TTC28: variants seen among roughly 807,000 people sequenced by gnomAD.
TTC28 encodes the protein tetratricopeptide repeat protein 28.
Under a neutral mutation model 198.0 loss-of-function variants are expected in TTC28, and 61 were observed. The observed-to-expected ratio is 0.31, with a 90% CI of 0.25 to 0.38. The LOEUF is 0.38. Ranked by LOEUF, TTC28 falls within the 10% of genes least tolerant of loss-of-function variation. The pLI is 1.00. For missense variants in TTC28, 2,678 were observed against 3,164.0 expected (o/e 0.85, Z 3.69); for synonymous variants, 1,171 against 1,297.8 (o/e 0.90, Z 2.10).
chr22:28,484,982 T>C (rs1434424053), intron 2 of TTC28, among the ~76,000 whole-genome samples: 1 of 152,180 alleles, frequency 6.6e-6, no homozygotes, highest in Non-Finnish European at 1.5e-5. Flanking sequence ...CCAGTATATT[T>C]TTACTATCTT....
chr22:28,354,695 C>T (rs2046048235), intron 2 of TTC28, among the ~76,000 whole-genome samples: 1 of 152,016 alleles, frequency 6.6e-6, no homozygotes. Context: ...TATTTTACCA[C>T]AATAAATAAA....
rs1435352179 is a variant in TTC28, at chr22:28,132,933, A to G, written c.1442-24530T>C. 5.3e-5 allele frequency among the ~76,000 whole-genome samples: 8 copies of G among 152,202 alleles called. No individual in the cohort carries two copies. The East Asian group carries it at 1.5e-3, about 29-fold the overall frequency. ...ATGAGATAATATAAATATATGAGACATTTGTAATGGCCGGGCATGGTGGCT... is the reference window on the plus strand; with the variant it reads ...ATGAGATAATATAAATATATGAGACGTTTGTAATGGCCGGGCATGGTGGCT... On this transcript the variant is annotated intron_variant, in intron 6 of 22. Transcript: ENST00000397906.
intron 5 of TTC28, among the ~76,000 whole-genome samples, chr22:28,280,334 T>A (rs548709462): frequency 4.7e-4 from 60 of 126,316 alleles, no homozygotes; most frequent in South Asian, 2.1e-3. Context: ...AAAAAAAAAA[T>A]TTTTTTTTTG....
chr22:28,153,328 G>A (rs1943653401), intron 6 of TTC28, among the ~76,000 whole-genome samples: 1 of 149,018 alleles, frequency 6.7e-6, no homozygotes. Flanking sequence ...GAGAAAAAGA[G>A]GCTAAGCATC....
chr22:28,179,383 C>T (rs538479202), intron 5 of TTC28, among the ~76,000 whole-genome samples: 1 of 152,058 alleles, frequency 6.6e-6, no homozygotes, highest in Non-Finnish European at 1.5e-5. Flanking sequence ...CAGGCTGAAA[C>T]TCCTGACCTC....
chr22:28,647,267 G>T (rs903614121), intron 1 of TTC28, among the ~76,000 whole-genome samples: 3 of 152,148 alleles, frequency 2.0e-5, no homozygotes, highest in Admixed American at 1.3e-4. Context: ...TCTAGGACCT[G>T]AAATCATAGA....
At chr22:28,465,114 G>A (rs942602522) in intron 2 of TTC28, among the ~76,000 whole-genome samples, 2 of 152,068 alleles carry the variant, frequency 1.3e-5, no homozygotes, top group African/African-American at 4.8e-5. Context: ...TACTAACTTA[G>A]GTTTACAAAC....
chr22:28,134,554 C>A (rs1012387487), intron 6 of TTC28, among the ~76,000 whole-genome samples: 4 of 152,132 alleles, frequency 2.6e-5, no homozygotes, highest in Admixed American at 2.0e-4. Context: ...GATGAATGCA[C>A]AAGCTTCAGT....
chr22:28,215,240 C>A (rs1569203228), intron 5 of TTC28, among the ~76,000 whole-genome samples: 1 of 152,086 alleles, frequency 6.6e-6, no homozygotes, highest in Non-Finnish European at 1.5e-5. Flanking sequence ...ATGTAACAAA[C>A]CTGCACGTTG....
intron 2 of TTC28, among the ~76,000 whole-genome samples, chr22:28,601,941 G>C (rs1270231899): frequency 1.3e-5 from 2 of 152,050 alleles, no homozygotes; most frequent in African/African-American, 4.8e-5. Context: ...AGAGACACCT[G>C]GCACAAGGAT....
chr22:28,591,270 A>G (rs5762706), intron 2 of TTC28, among the ~76,000 whole-genome samples: 148,689 of 150,306 alleles, frequency 0.99, 73,570 homozygotes, highest in Middle Eastern at 1. Flanking sequence ...ACCTCACCTG[A>G]CTATTTTTTT....
chr22:28,561,371 C>T (rs1224963890), intron 2 of TTC28, among the ~76,000 whole-genome samples: 2 of 152,092 alleles, frequency 1.3e-5, no homozygotes, highest in East Asian at 1.9e-4. Flanking sequence ...ACACCACGCC[C>T]GGCCATCTCC....
chr22:28,271,104 T>G (rs985806583), intron 5 of TTC28, among the ~76,000 whole-genome samples: 1 of 151,852 alleles, frequency 6.6e-6, no homozygotes, highest in African/African-American at 2.4e-5. Flanking sequence ...TTCTTTGTGG[T>G]TTTTTCAGTA....
intron 2 of TTC28, among the ~76,000 whole-genome samples, chr22:28,490,390 T>C (rs547358391): frequency 1.3e-5 from 2 of 152,318 alleles, no homozygotes; most frequent in East Asian, 3.9e-4. Flanking sequence ...TTCAAGAGTT[T>C]GTATCACCTG....
chr22:28,656,405 G>T (rs541181213), intron 1 of TTC28, among the ~76,000 whole-genome samples: 1 of 152,142 alleles, frequency 6.6e-6, no homozygotes. Context: ...ACGAGGATAC[G>T]AGCAAATCCC....
chr22:28,215,779 A>AT (rs1449971509), intron 5 of TTC28, among the ~76,000 whole-genome samples: 3 of 152,220 alleles, frequency 2.0e-5, no homozygotes, highest in Non-Finnish European at 4.4e-5. Flanking sequence ...TTACTATAAC[A>AT]ATCAAATGAA....
chr22:28,499,362 A>C (rs557074150), intron 2 of TTC28, among the ~76,000 whole-genome samples: 1 of 152,356 alleles, frequency 6.6e-6, no homozygotes, highest in South Asian at 2.1e-4. Flanking sequence ...ATGAAAAAGT[A>C]AGAATTATCA....
intron 5 of TTC28, among the ~76,000 whole-genome samples, chr22:28,209,334 G>A (rs142941219): frequency 6.6e-5 from 10 of 152,294 alleles, no homozygotes; most frequent in East Asian, 3.9e-4. Context: ...AAAGCAGGGC[G>A]GGGCATCGCC....
At chr22:28,330,767 G>C (rs2045601935) in intron 2 of TTC28, among the ~76,000 whole-genome samples, 1 of 152,056 alleles carries the variant, frequency 6.6e-6, no homozygotes, top group African/African-American at 2.4e-5. Flanking sequence ...ATAATTAATA[G>C]CAGTCAAAAA....
Sources: gnomAD v4.1 joint callset for allele counts (sites outside exome capture counted in the v4.1 genomes callset) on GRCh38, gnomAD v4.1.1 for gene constraint, MANE v1.5 for transcripts, NCBI Gene and HGNC (gene_info 2026-07-23, HGNC 2026-07-21) for gene names.